Variants in CROT observed in about 807,000 individuals in gnomAD.
CROT encodes carnitine O-octanoyltransferase.
CROT carries 84 observed loss-of-function variants against 89.2 expected under a neutral mutation model. That is an observed-to-expected ratio of 0.94 (90% confidence interval 0.79 to 1.13). The LOEUF is 1.13. CROT is among the 50% of genes most tolerant of loss of function. The pLI, the probability that CROT is intolerant of heterozygous loss-of-function variation, is 0.00. For missense variants in CROT, 711 were observed against 727.8 expected (o/e 0.98, Z 0.27); for synonymous variants, 212 against 239.5 (o/e 0.89, Z 1.06).
rs111311863 is a variant in CROT, at chr7:87,361,687, AT to A, written c.423-37del. 10 of 1,548,070 alleles carry A rather than the reference AT, an allele frequency of 6.5e-6. No individual in the cohort carries two copies. In the African/African-American group the frequency reaches 8.3e-5, roughly 13 times the overall value. On this transcript the variant is annotated intron_variant, in intron 5 of 17. Transcript: ENST00000331536. ...CACTTCAGTTGTGGCTGGTTTTTAA[AT>A]TTTATAATGACTTTTTGATCAAAAT...
intron 7 of CROT, among the ~76,000 whole-genome samples, chr7:87,372,235 A>G (rs79346825): frequency 6.6e-6 from 1 of 152,272 alleles, no homozygotes; most frequent in African/African-American, 2.4e-5. Flanking sequence ...TAGTCTCTAC[A>G]TTAATCTTTT....
intron 6 of CROT, among the ~76,000 whole-genome samples, chr7:87,366,284 G>A (rs1230260800): frequency 6.6e-6 from 1 of 151,912 alleles, no homozygotes; most frequent in Admixed American, 6.6e-5. Flanking sequence ...CCTGTGGGAG[G>A]TGTTGGTATC....
chr7:87,368,828 A>G (rs1233242782), intron 6 of CROT, among the ~76,000 whole-genome samples: 1 of 152,214 alleles, frequency 6.6e-6, no homozygotes, highest in Non-Finnish European at 1.5e-5. Flanking sequence ...AGGTGTGCCA[A>G]AGAAATCAGA....
intron 2 of CROT, among the ~76,000 whole-genome samples, chr7:87,346,878 T>C (rs1231182246): frequency 6.6e-6 from 1 of 152,242 alleles, no homozygotes; most frequent in African/African-American, 2.4e-5. Context: ...AGCTGAGTAC[T>C]TGGCTTAGAA....
intron 2 of CROT, among the ~76,000 whole-genome samples, chr7:87,348,540 A>G (rs540624538): frequency 4.6e-5 from 7 of 152,294 alleles, no homozygotes; most frequent in African/African-American, 1.7e-4. Flanking sequence ...CTATACATCA[A>G]ATACTATCTA....
intron 13 of CROT, among the ~76,000 whole-genome samples, chr7:87,391,283 C>T (rs1807347467): frequency 1.3e-5 from 2 of 152,172 alleles, no homozygotes; most frequent in African/African-American, 4.8e-5. Context: ...CACTGTCTAG[C>T]CTGCGCTCAA....
At chr7:87,368,262 GCACCCTTCTGCCACCCT>G (rs914286472) in intron 6 of CROT, among the ~76,000 whole-genome samples, 1 of 152,162 alleles carries the variant, frequency 6.6e-6, no homozygotes, top group Admixed American at 6.6e-5. Flanking sequence ...TTGTGAGGTA[GCACCCTTCTGCCACCCT>G]CACCCTTTCC....
intron 4 of CROT, among the ~76,000 whole-genome samples, chr7:87,360,815 T>C (rs535623832): frequency 6.6e-6 from 1 of 152,324 alleles, no homozygotes; most frequent in South Asian, 2.1e-4. Flanking sequence ...TACAATGATA[T>C]TTCTGAAGGT....
chr7:87,377,430 G>A lies in CROT; in HGVS notation c.958G>A (p.Val320Ile), dbSNP rs751660877. The A allele has an allele frequency of 6.2e-7, 1 of 1,605,500 alleles. No individual in the cohort carries two copies. The highest frequency in any genetic ancestry group is 1.1e-5 in the South Asian group (1 of 90,772). Residue 320 changes from valine (V) to isoleucine (I), a missense_variant, in exon 10 of 18, where the codon GTA (valine) becomes ATA (isoleucine). Coordinates refer to ENST00000331536, the MANE Select transcript of CROT (RefSeq NM_021151.4). The stretch of plus-strand genomic sequence containing the variant: ...TAACTTGATTTCCTTTTCTAATGGA[G>A]TATTTGGCTGTAATTGTGATGTAAG... ...SYNLISFSNG[V>I]FGCNCDHAPF... is the part of the protein sequence containing the mutation.
In CROT at chr7:87,369,389, T is replaced by G. The variant is rs1806550711; in HGVS notation, c.561T>G (p.Arg187=). The G allele has an allele frequency of 6.2e-7, 1 of 1,610,642 alleles. No individual in the cohort carries two copies. Among genetic ancestry groups the G allele is most frequent in the African/African-American group, 1.3e-5 (1 of 74,834 alleles). Residue 187 remains arginine, a synonymous_variant, in exon 7 of 18, where the codon CGT becomes CGG. Transcript: ENST00000331536. ...MNYFRTESEG[R]SPNHIVVLCR... ...TTCTGTTTCCAGAGAGTGAAGGGCGTTCCCCAAACCACATTGTAGTGCTGT... is the reference window on the plus strand; with the variant it reads ...TTCTGTTTCCAGAGAGTGAAGGGCGGTCCCCAAACCACATTGTAGTGCTGT...
chr7:87,361,496 CA>C lies in CROT; in HGVS notation c.350del (p.Lys117ArgfsTer6), dbSNP rs776951599. 21 of 1,612,254 alleles carry C rather than the reference CA, an allele frequency of 1.3e-5. No individual in the cohort carries two copies. The highest frequency in any genetic ancestry group is 1.7e-5 in the Non-Finnish European group (20 of 1,179,582). ...GCTCATTTTGAACACTACTGGCCTC[CA>C]AAGGAAGGGACTCAATTAGAAAGAG... Reference protein sequence around the residue: ...PAAHFEHYWPPKEGTQLERGS... With the variant: ...PAAHFEHYWPXKEGTQLERGS... On this transcript the variant is annotated frameshift_variant, in exon 5 of 18. Coordinates refer to ENST00000331536, the MANE Select transcript of CROT (RefSeq NM_021151.4). LOFTEE classifies it high-confidence loss of function.
chr7:87,388,993 A>G (rs1807271590), intron 13 of CROT, among the ~76,000 whole-genome samples: 1 of 152,250 alleles, frequency 6.6e-6, no homozygotes, highest in African/African-American at 2.4e-5. Flanking sequence ...AAAAGAAGAC[A>G]TTTATGTGGC....
chr7:87,392,766 C>T lies in CROT; in HGVS notation c.1541C>T (p.Ala514Val). The T allele has an allele frequency of 6.2e-7, 1 of 1,613,676 alleles. No homozygotes were observed. Among genetic ancestry groups the T allele is most frequent in the Non-Finnish European group, 8.5e-7 (1 of 1,179,752 alleles). ...CACCTTTTAGGTCTCTTACTCATAG[C>T]AAAAGAGGAAGGTCTTCCTGTTCCA... ...DRHLLGLLLIAKEEGLPVPEL... is the reference protein window; with the variant it reads ...DRHLLGLLLIVKEEGLPVPEL... Residue 514 changes from alanine to valine, a missense_variant, in exon 16 of 18, where the codon GCA (alanine) becomes GTA (valine). Coordinates refer to ENST00000331536, the MANE Select transcript of CROT (RefSeq NM_021151.4).
intron 6 of CROT, among the ~76,000 whole-genome samples, chr7:87,364,914 C>T (rs1482034475): frequency 2.0e-5 from 3 of 152,056 alleles, no homozygotes; most frequent in Non-Finnish European, 4.4e-5. Context: ...CTGAGGTCAT[C>T]CACTGGGGTG....
intron 13 of CROT, among the ~76,000 whole-genome samples, chr7:87,390,940 A>G (rs911737694): frequency 1.3e-5 from 2 of 152,182 alleles, no homozygotes; most frequent in African/African-American, 4.8e-5. Context: ...ATTTTTTGTG[A>G]TGCAGCTTAG....
rs1424880599 is a variant in CROT at position 87,391,651 on chromosome 7, T to C, written c.1364T>C (p.Met455Thr). 1.9e-6 allele frequency: 3 copies of C among 1,612,400 alleles called. No homozygotes were observed. Among genetic ancestry groups the C allele is most frequent in the South Asian group, 2.2e-5 (2 of 90,700 alleles). Residue 455 changes from methionine to threonine, a missense_variant, in exon 14 of 18, where the codon ATG becomes ACG. By Grantham distance (81) the Met-to-Thr change is moderately conservative. Coordinates refer to ENST00000331536, the MANE Select transcript of CROT (RefSeq NM_021151.4). ...RHFYHGRTET[M>T]RSCTVEAVRW... is the part of the protein sequence containing the mutation. ...TTTTATCATGGCCGTACAGAGACTA[T>C]GCGATCATGCACAGTTGAAGCAGTG... is the stretch of plus-strand genomic sequence containing the variant.
Position 87,359,085 on chromosome 7 carries a change from C to T in CROT, c.116-121C>T. 3 of 690,024 alleles carry T rather than the reference C, an allele frequency of 4.3e-6. No homozygotes were observed. The South Asian group carries it at 5.3e-5, about 12-fold the overall frequency. The allele number at this position is 690,024 out of a possible 1,614,324, so 42.7% of individuals were successfully genotyped here. A position where few individuals can be genotyped will look rare whatever the true frequency, so the allele number is the denominator to read the frequency against. ...CTCTTAATTTTATTGTTCTGCTCTG[C>T]TATTTAATACAGTACTGTGTTTTAC... On this transcript the variant is annotated intron_variant, in intron 3 of 17. Transcript: ENST00000331536.
chr7:87,361,539 G>C lies in CROT; in HGVS notation c.390G>C (p.Trp130Cys), dbSNP rs1465882384. The C allele has an allele frequency of 6.2e-7, 1 of 1,601,988 alleles. No homozygotes were observed. The highest frequency in any genetic ancestry group is 1.8e-5 in the Admixed American group (1 of 56,982). ...TAGAAAGAGGAAGTATAACTCTTTGGCATAACTTGAACTACTGGCAGCTAT... is the reference window on the plus strand; with the variant it reads ...TAGAAAGAGGAAGTATAACTCTTTGCCATAACTTGAACTACTGGCAGCTAT... The part of the protein sequence containing the change: ...TQLERGSITL[W>C]HNLNYWQLLR... The change falls in exon 5 of 18, where the codon TGG becomes TGC. Residue 130 changes from tryptophan to cysteine, a missense_variant. Trp to Cys is a radical substitution (Grantham distance 215, BLOSUM62 -2). Coordinates refer to ENST00000331536, the MANE Select transcript of CROT (RefSeq NM_021151.4).
In CROT at chr7:87,349,066, A is replaced by G. The variant is rs1805786851; in HGVS notation, c.-3A>G. 4 of 1,545,618 alleles carry G rather than the reference A, an allele frequency of 2.6e-6. No individual in the cohort carries two copies. The highest frequency in any genetic ancestry group is 2.7e-6 in the Non-Finnish European group (3 of 1,125,496). On this transcript the variant is annotated 5_prime_UTR_variant, in exon 3 of 18. Transcript: ENST00000331536. ...TCTTTAGGTTTCCTATTGTGATTTT[A>G]TCATGGAAAATCAATTGGCTAAATC...
Sources: allele counts gnomAD v4.1 joint callset (sites outside exome capture counted in the v4.1 genomes callset), GRCh38; gene constraint gnomAD v4.1.1; transcripts MANE v1.5; gene names NCBI Gene and HGNC (gene_info 2026-07-23, HGNC 2026-07-21).